The following FAM13A variants were observed in gnomAD, a reference collection of about 807,000 sequenced individuals.
FAM13A encodes protein FAM13A.
FAM13A carries 76 observed loss-of-function variants against 129.6 expected under a neutral mutation model. That is an observed-to-expected ratio of 0.59 (90% CI 0.49 to 0.71). The LOEUF is 0.71. Among genes scored for constraint, FAM13A ranks in the 30% least tolerant of loss-of-function variants. FAM13A has a pLI of 0.00. For synonymous variants in FAM13A, 443 were observed against 449.9 expected (o/e 0.98, Z 0.20); for missense variants, 1,108 against 1,249.3 (o/e 0.89, Z 1.70).
chr4:88,740,028 A>G (rs747219219), intron 19 of FAM13A, among the ~76,000 whole-genome samples: 5 of 152,152 alleles, frequency 3.3e-5, no homozygotes, highest in Non-Finnish European at 7.4e-5. Flanking sequence ...CTGGTATAGT[A>G]TTGGAAGCTC....
At chr4:88,838,877 GT>G in intron 7 of FAM13A, among the ~76,000 whole-genome samples, 1 of 152,078 alleles carries the variant, frequency 6.6e-6, no homozygotes, top group South Asian at 2.1e-4. Context: ...GCTCCTTATA[GT>G]TGCAGATTAA....
intron 7 of FAM13A, among the ~76,000 whole-genome samples, chr4:88,827,317 A>G (rs1733168735): frequency 1.3e-5 from 2 of 152,038 alleles, no homozygotes; most frequent in Non-Finnish European, 1.5e-5. Flanking sequence ...TCCAAGCCCA[A>G]CACCATTCAA....
rs181220482 is a variant in FAM13A, at chr4:88,872,589, A to C, written c.844-21406T>G. ...ATCAATTCAACAAGAAGAGCTAACTATCCTAAATATAAATGCTCCCAATAC... is the reference window on the plus strand; with the variant it reads ...ATCAATTCAACAAGAAGAGCTAACTCTCCTAAATATAAATGCTCCCAATAC... On this transcript the variant is annotated intron_variant, in intron 6 of 23. Coordinates refer to ENST00000264344, the MANE Select transcript of FAM13A (RefSeq NM_014883.4). Among the ~76,000 whole-genome samples, 215 of 152,368 alleles carry C rather than the reference A, an allele frequency of 1.4e-3. 3 individuals carry two copies. Among genetic ancestry groups the C allele is most frequent in the African/African-American group, 5.0e-3 (206 of 41,584 alleles).
At chr4:88,924,985 C>A (rs1189801874) in intron 5 of FAM13A, among the ~76,000 whole-genome samples, 29 of 150,906 alleles carry the variant, frequency 1.9e-4, no homozygotes, top group African/African-American at 6.8e-4. Context: ...CAGAGAAATG[C>A]AAATCAAAAC....
chr4:88,823,367 C>CTCCTCCTCCTCT, intron 7 of FAM13A: 2 of 996,226 alleles, frequency 2.0e-6, no homozygotes, highest in Non-Finnish European at 2.4e-6. Context: ...TCAATGGTCC[C>CTCCTCCTCCTCT]TCCTCCTCCT....
At chr4:88,856,630 T>C (rs1355099930) in intron 6 of FAM13A, among the ~76,000 whole-genome samples, 1 of 152,256 alleles carries the variant, frequency 6.6e-6, no homozygotes, top group African/African-American at 2.4e-5. Flanking sequence ...CAGAAAATTA[T>C]ATTCAAGGCT....
At chr4:88,854,005 C>T (rs1205704274) in intron 6 of FAM13A, among the ~76,000 whole-genome samples, 3 of 152,170 alleles carry the variant, frequency 2.0e-5, no homozygotes, top group East Asian at 1.9e-4. Flanking sequence ...GCTCCACTAT[C>T]GGCTTCCCTA....
intron 7 of FAM13A, among the ~76,000 whole-genome samples, chr4:88,842,608 C>T (rs755457401): frequency 1.3e-5 from 2 of 152,196 alleles, no homozygotes; most frequent in African/African-American, 2.4e-5. Flanking sequence ...CAGGGCCCAG[C>T]GCATATGTGC....
chr4:88,902,851 C>T (rs1208910073), intron 6 of FAM13A, among the ~76,000 whole-genome samples: 1 of 151,992 alleles, frequency 6.6e-6, no homozygotes, highest in Non-Finnish European at 1.5e-5. Flanking sequence ...ATCCTATATC[C>T]AGAAAATCCC....
At chr4:88,971,281 C>T (rs1177559530) in intron 4 of FAM13A, among the ~76,000 whole-genome samples, 1 of 152,076 alleles carries the variant, frequency 6.6e-6, no homozygotes, top group African/African-American at 2.4e-5. Flanking sequence ...AGAAGGCTAC[C>T]TTGTATTAGG....
At chr4:88,809,178 A>G (rs761952328) in intron 7 of FAM13A, among the ~76,000 whole-genome samples, 2 of 152,156 alleles carry the variant, frequency 1.3e-5, no homozygotes, top group Non-Finnish European at 2.9e-5. Context: ...ATAGTGTTGT[A>G]TATGTCTAAG....
intron 2 of FAM13A, among the ~76,000 whole-genome samples, chr4:89,022,739 C>T (rs1380779756): frequency 6.6e-6 from 1 of 152,056 alleles, no homozygotes; most frequent in Non-Finnish European, 1.5e-5. Context: ...ATCCATCATG[C>T]TTCTCTCTCT....
chr4:88,921,939 C>A (rs1751169917), intron 5 of FAM13A, among the ~76,000 whole-genome samples: 1 of 151,834 alleles, frequency 6.6e-6, no homozygotes. Context: ...CAACAAAGAT[C>A]AAAAGAGACA....
intron 3 of FAM13A, among the ~76,000 whole-genome samples, chr4:89,010,318 T>C (rs1202566875): frequency 6.6e-6 from 1 of 152,212 alleles, no homozygotes; most frequent in African/African-American, 2.4e-5. Context: ...CCGAATAAAC[T>C]CTAAACTTAA....
intron 7 of FAM13A, among the ~76,000 whole-genome samples, chr4:88,842,432 T>C (rs894499065): frequency 5.3e-5 from 8 of 152,368 alleles, no homozygotes; most frequent in Middle Eastern, 3.4e-3. Context: ...TTTGAAGACC[T>C]TGAACTTAAT....
At chr4:89,001,043 C>T (rs4626161) in intron 3 of FAM13A, among the ~76,000 whole-genome samples, 1 of 152,240 alleles carries the variant, frequency 6.6e-6, no homozygotes, top group Non-Finnish European at 1.5e-5. Context: ...TGCACAACCT[C>T]ACCCACTAGT....
intron 19 of FAM13A, among the ~76,000 whole-genome samples, chr4:88,742,646 T>C (rs1274481781): frequency 1.3e-5 from 2 of 152,220 alleles, no homozygotes; most frequent in Admixed American, 6.5e-5. Context: ...GCTCAGTTTG[T>C]GAGTGGGGTC....
intron 5 of FAM13A, among the ~76,000 whole-genome samples, chr4:88,916,674 T>A (rs182878641): frequency 1.9e-3 from 286 of 152,326 alleles, no homozygotes; most frequent in Non-Finnish European, 3.2e-3. Context: ...CTTAGACTGC[T>A]CTTCCTCCAA....
intron 14 of FAM13A, among the ~76,000 whole-genome samples, chr4:88,753,214 G>C (rs1038383033): frequency 2.6e-5 from 4 of 152,162 alleles, no homozygotes; most frequent in African/African-American, 9.7e-5. Flanking sequence ...TTACTTATAA[G>C]AGTGTGTGAT....
Sources: allele counts gnomAD v4.1 joint callset (sites outside exome capture counted in the v4.1 genomes callset), GRCh38; gene constraint gnomAD v4.1.1; transcripts MANE v1.5; gene names NCBI Gene and HGNC (gene_info 2026-07-23, HGNC 2026-07-21).